Variants in RPS6KA2 observed in about 807,000 individuals in gnomAD.
RPS6KA2 encodes ribosomal protein S6 kinase alpha-2.
In RPS6KA2, 42 loss-of-function variants were observed where a neutral mutation model predicts 91.8. The observed-to-expected ratio is 0.46, with a 90% CI of 0.36 to 0.59. The LOEUF is 0.59. RPS6KA2 is among the 20% of genes least tolerant of loss of function. RPS6KA2 has a pLI of 0.00. For synonymous variants in RPS6KA2, 414 were observed against 393.6 expected (o/e 1.05, Z -0.61); for missense variants, 798 against 978.5 (o/e 0.82, Z 2.46).
At chr6:166,724,440 T>TA (rs574961396) in intron 2 of RPS6KA2, among the ~76,000 whole-genome samples, 15,555 of 146,844 alleles carry the variant, frequency 0.11, 2,476 homozygotes, top group African/African-American at 0.35. Flanking sequence ...AAACTGATAT[T>TA]AAAAAAAAAA....
intron 2 of RPS6KA2, among the ~76,000 whole-genome samples, chr6:166,734,115 G>T (rs1345752321): frequency 6.6e-6 from 1 of 152,214 alleles, no homozygotes; most frequent in Non-Finnish European, 1.5e-5. Context: ...GTTGGGACAG[G>T]CCCTGAGGGG....
At chr6:166,517,388 G>T (rs1049867735) in intron 3 of RPS6KA2, among the ~76,000 whole-genome samples, 4 of 150,534 alleles carry the variant, frequency 2.7e-5, no homozygotes, top group Non-Finnish European at 5.9e-5. Context: ...ACTGTGACAT[G>T]CTTGTGATGG....
At chr6:166,799,759 A>AC (rs1779316002) in intron 2 of RPS6KA2, among the ~76,000 whole-genome samples, 1 of 151,024 alleles carries the variant, frequency 6.6e-6, no homozygotes, top group African/African-American at 2.4e-5. Context: ...TTAGCTGAGT[A>AC]TTTTTTTTTA....
In RPS6KA2 at chr6:166,779,802, G is replaced by A. The variant is rs182734378; in HGVS notation, c.123+78398C>T. ...CAGAAGGGACCCATGAAGTGAGGGC[G>A]GCCAAGAGAAATAACGGCAAGGCTG... On this transcript the variant is annotated intron_variant, in intron 2 of 21. Transcript: ENST00000503859. Among the ~76,000 whole-genome samples, 208 of 152,222 alleles carry A rather than the reference G, an allele frequency of 1.4e-3. 2 individuals carry two copies. Among genetic ancestry groups the A allele is most frequent in the Non-Finnish European group, 1.9e-4 (13 of 68,010 alleles).
intron 1 of RPS6KA2, among the ~76,000 whole-genome samples, chr6:166,541,430 T>A (rs1424467147): frequency 6.6e-6 from 1 of 152,366 alleles, no homozygotes; most frequent in East Asian, 1.9e-4. Flanking sequence ...CTGTGGTGAA[T>A]GAGCTCATGC....
At chr6:166,573,435 G>C (rs1048200027) in intron 1 of RPS6KA2, among the ~76,000 whole-genome samples, 1 of 152,060 alleles carries the variant, frequency 6.6e-6, no homozygotes, top group Non-Finnish European at 1.5e-5. Context: ...AAGACCCAGC[G>C]CACGTGTTCT....
intron 1 of RPS6KA2, among the ~76,000 whole-genome samples, chr6:166,580,765 C>T (rs1382863191): frequency 6.6e-6 from 1 of 151,974 alleles, no homozygotes; most frequent in Non-Finnish European, 1.5e-5. Flanking sequence ...GAACCAGACC[C>T]GATTGGACAC....
In RPS6KA2 at chr6:166,448,961, G is replaced by T. The variant is rs1779765920; in HGVS notation, c.1207-112C>A. 7.4e-7 allele frequency: 1 copy of T among 1,347,270 alleles called. No homozygotes were observed. The highest frequency in any genetic ancestry group is 1.0e-6 in the Non-Finnish European group (1 of 969,682). 83.5% of individuals were successfully genotyped at this position (1,347,270 alleles called of 1,614,324 possible). ...GAGAGGCACCGACTGTGAACTGAGT[G>T]TGTGGAGGCCTGGGAGCTCATGGGT... On this transcript the variant is annotated intron_variant, in intron 13 of 20. Coordinates refer to ENST00000265678, the MANE Select transcript of RPS6KA2 (RefSeq NM_021135.6). This position sits in a 1 kb window ranked among gnomAD's most constrained non-coding sequence, Gnocchi z 4.7.
At chr6:166,450,536 C>T (rs1779869806) in intron 13 of RPS6KA2, among the ~76,000 whole-genome samples, 1 of 149,490 alleles carries the variant, frequency 6.7e-6, no homozygotes, top group African/African-American at 2.5e-5. Flanking sequence ...CCAGGGAACA[C>T]CATGGGGACC....
chr6:166,697,919 C>T (rs779054403), intron 2 of RPS6KA2, among the ~76,000 whole-genome samples: 1 of 152,104 alleles, frequency 6.6e-6, no homozygotes. Flanking sequence ...GGGGAGGACT[C>T]GGCGGCTGTA....
chr6:166,604,136 C>T (rs191272483), intron 1 of RPS6KA2, among the ~76,000 whole-genome samples: 3 of 152,314 alleles, frequency 2.0e-5, no homozygotes, highest in Admixed American at 6.5e-5. Flanking sequence ...TCACTGTGAG[C>T]AACTCTACGT....
chr6:166,509,447 G>A (rs904622953), intron 4 of RPS6KA2: 43 of 169,506 alleles, frequency 2.5e-4, no homozygotes, highest in Non-Finnish European at 8.8e-5. Context: ...CAACTGCGCT[G>A]CCCACGGCCG....
At chr6:166,727,674 C>T (rs1790383171) in intron 2 of RPS6KA2, among the ~76,000 whole-genome samples, 1 of 152,162 alleles carries the variant, frequency 6.6e-6, no homozygotes, top group African/African-American at 2.4e-5. Flanking sequence ...CCTAAAGCAC[C>T]AGCACCCTAA....
intron 8 of RPS6KA2, 117 bp downstream of exon 8, chr6:166,498,391 C>A: frequency 8.2e-7 from 1 of 1,217,586 alleles, no homozygotes; most frequent in Non-Finnish European, 1.1e-6. Context: ...TGCCCAGTGT[C>A]CCAAGCCCTC....
chr6:166,522,278 T>A (rs1380837444), intron 3 of RPS6KA2, among the ~76,000 whole-genome samples: 1 of 152,256 alleles, frequency 6.6e-6, no homozygotes, highest in Non-Finnish European at 1.5e-5. Context: ...TGTCAGCTGC[T>A]GTGAAGATGA....
At chr6:166,843,643 T>C (rs990087626) in intron 2 of RPS6KA2, among the ~76,000 whole-genome samples, 1 of 152,196 alleles carries the variant, frequency 6.6e-6, no homozygotes, top group Non-Finnish European at 1.5e-5. Flanking sequence ...GTAGCTCTGC[T>C]GGGTGGCTAG....
chr6:166,716,141 G>C (rs548797995), intron 2 of RPS6KA2, among the ~76,000 whole-genome samples: 1 of 149,012 alleles, frequency 6.7e-6, no homozygotes, highest in African/African-American at 2.5e-5. Context: ...GAAGCAAAAT[G>C]ACATATAACT....
intron 14 of RPS6KA2, among the ~76,000 whole-genome samples, chr6:166,446,071 C>T (rs2128452984): frequency 6.6e-6 from 1 of 152,354 alleles, no homozygotes; most frequent in Admixed American, 6.5e-5. Context: ...GAAAACAAAA[C>T]CGCACAGTGC....
rs1049371211 is a variant in RPS6KA2, at chr6:166,432,282, G to A, written c.1422+119C>T. 5.7e-6 allele frequency: 4 copies of A among 697,104 alleles called. No individual in the cohort carries two copies. In the African/African-American group the frequency reaches 7.1e-5, roughly 12 times the overall value. The allele number at this position is 697,104 out of a possible 1,614,324, so 43.2% of individuals were successfully genotyped here. On this transcript the variant is annotated intron_variant, in intron 15 of 20. Coordinates refer to ENST00000265678, the MANE Select transcript of RPS6KA2 (RefSeq NM_021135.6). ...TCCAAGTGACTGAGATATGTGGGTG[G>A]TGGAAACCAGCTGAGACAGGCATGA...
Sources: allele counts gnomAD v4.1 joint callset (sites outside exome capture counted in the v4.1 genomes callset), GRCh38; gene constraint gnomAD v4.1.1; non-coding constraint Gnocchi (gnomAD v3.1); transcripts MANE v1.5; gene names NCBI Gene and HGNC (gene_info 2026-07-23, HGNC 2026-07-21).